Variants in RDH13 observed in about 807,000 individuals in gnomAD.
RDH13 encodes retinol dehydrogenase 13 (all-trans and 9-cis).
A neutral mutation model predicts 28.3 loss-of-function variants in RDH13; 35 were observed. The ratio of observed to expected loss-of-function variants is 1.24; its 90% CI spans 0.95 to 1.64. The LOEUF is 1.64. RDH13 is among the 40% of genes most tolerant of loss of function. The pLI is 0.00. For missense variants in RDH13, 514 were observed against 446.3 expected (o/e 1.15, Z -1.37); for synonymous variants, 229 against 198.5 (o/e 1.15, Z -1.29).
intron 6 of RDH13, among the ~76,000 whole-genome samples, 169 bp from the exon 7 acceptor site, chr19:55,045,478 C>G (rs991541134): frequency 1.3e-5 from 2 of 152,152 alleles, no homozygotes; most frequent in Non-Finnish European, 2.9e-5. Context: ...ACTGCCCAGG[C>G]AAATCCCACC....
upstream of RDH13, chr19:55,063,867 T>TCCATGTTTGTCAC (rs1157595193): frequency 6.5e-6 from 1 of 152,976 alleles, no homozygotes; most frequent in Non-Finnish European, 1.5e-5. Flanking sequence ...CACTTACCTG[T>TCCATGTTTGTCAC]CCATGTTTGT....
chr19:55,064,424 A>G (rs1602838675), upstream of RDH13: 1 of 151,888 alleles, frequency 6.6e-6, no homozygotes, highest in Non-Finnish European at 1.5e-5. Flanking sequence ...TGTCAAAAAA[A>G]AAAAAACCTT....
chr19:55,056,204 C>T (rs148588179), intron 3 of RDH13, among the ~76,000 whole-genome samples: 91 of 152,222 alleles, frequency 6.0e-4, no homozygotes, highest in Middle Eastern at 6.8e-3. Context: ...TGGCCCACGC[C>T]TGTAATCCCA....
In RDH13 at chr19:55,063,058, G is replaced by A; in HGVS notation, c.-26C>T. ...GCCGGGCCGGGGACAGGCGTCAGGC[G>A]TCAGGGGTCGGCGCGGAGCTTGCTG... On this transcript the variant is annotated 5_prime_UTR_variant, in exon 1 of 7. In the 5' UTR this introduces an upstream ATG that the reference lacks. Coordinates refer to ENST00000415061, the MANE Select transcript of RDH13 (RefSeq NM_001145971.2). 1 of 1,318,298 alleles carries A rather than the reference G, an allele frequency of 7.6e-7. No homozygotes were observed. Among genetic ancestry groups the A allele is most frequent in the South Asian group, 1.8e-5 (1 of 55,998 alleles). 81.7% of individuals were successfully genotyped at this position (1,318,298 alleles called of 1,614,324 possible).
chr19:55,061,109 CTCCTT>C (rs1359735887), intron 1 of RDH13, among the ~76,000 whole-genome samples: 1 of 151,900 alleles, frequency 6.6e-6, no homozygotes, highest in African/African-American at 2.4e-5. Flanking sequence ...ACTGGAACCT[CTCCTT>C]TATTTATTTA....
rs1171118173 is a variant in RDH13, at chr19:55,063,137, G to C, written c.-105C>G. 51 of 1,106,506 alleles carry C rather than the reference G, an allele frequency of 4.6e-5. No homozygotes were observed. The highest frequency in any genetic ancestry group is 1.3e-4 in the Admixed American group (3 of 23,406). The allele number at this position is 1,106,506 out of a possible 1,614,324, so 68.5% of individuals were successfully genotyped here. A position where few individuals can be genotyped will look rare whatever the true frequency, so the allele number is the denominator to read the frequency against. On this transcript the variant is annotated 5_prime_UTR_variant, in exon 1 of 7. Transcript: ENST00000415061. ...AAGAGCGCGCGACGCAGCCACAGGCGAGCGGAGGCGCAGGCGCGGCTGGGC... is the reference window on the plus strand; with the variant it reads ...AAGAGCGCGCGACGCAGCCACAGGCCAGCGGAGGCGCAGGCGCGGCTGGGC...
chr19:55,045,516 T>A (rs564944143), intron 6 of RDH13, among the ~76,000 whole-genome samples: 3 of 151,976 alleles, frequency 2.0e-5, no homozygotes, highest in Non-Finnish European at 4.4e-5. Context: ...AAAAGCTGCC[T>A]CCCCCAAGGA....
intron 5 of RDH13, 107 bp downstream of exon 5, chr19:55,048,222 C>T (rs1301214499): frequency 1.3e-6 from 2 of 1,558,142 alleles, no homozygotes; most frequent in Non-Finnish European, 1.7e-6. Context: ...CTTTTGCTGA[C>T]TCTGTTCTGG....
At chr19:55,063,989 A>G (rs2075891650), upstream of RDH13, 1 of 152,226 alleles carries the variant, frequency 6.6e-6, no homozygotes. Flanking sequence ...AGGTGCCAGG[A>G]GCAGACACCG....
intron 3 of RDH13, among the ~76,000 whole-genome samples, chr19:55,051,578 C>T (rs979172539): frequency 1.3e-5 from 2 of 150,516 alleles, no homozygotes; most frequent in Admixed American, 6.7e-5. Flanking sequence ...TACAGGTGCC[C>T]GCCACCGCAC....
rs1007984961 is a variant in RDH13, at chr19:55,047,424, CGT to C, written c.721_722del (p.Thr241GlyfsTer60). On this transcript the variant is annotated frameshift_variant, in exon 6 of 7. Coordinates refer to ENST00000415061, the MANE Select transcript of RDH13 (RefSeq NM_001145971.2). LOFTEE classifies it high-confidence loss of function. ...TGGAGAAGGTGGAGCCATGGATGCCCGTGTGTCTGCCCAGCTCTGTCCTGGCC... is the reference window on the plus strand; with the variant it reads ...TGGAGAAGGTGGAGCCATGGATGCCCGTGTCTGCCCAGCTCTGTCCTGGCC... The part of the protein sequence containing the change: ...GVARTELGRH[T>X]GIHGSTFSST... The C allele has an allele frequency of 5.0e-6, 8 of 1,611,538 alleles. No homozygotes were observed. The highest frequency in any genetic ancestry group is 1.3e-5 in the African/African-American group (1 of 74,912).
chr19:55,056,831 G>T (rs970477048), intron 2 of RDH13, 23 bp from the exon 3 acceptor site: 6 of 1,599,074 alleles, frequency 3.8e-6, no homozygotes, highest in African/African-American at 2.7e-5. Flanking sequence ...GATGGAAAAA[G>T]ATTTAAATTA....
Position 55,050,153 on chromosome 19 carries a change from G to A in RDH13, c.341-1390C>T, listed in dbSNP as rs150922085. Among the ~76,000 whole-genome samples, 862 of 147,372 alleles carry A rather than the reference G, an allele frequency of 5.8e-3. 8 individuals are homozygous for A. Among genetic ancestry groups the A allele is most frequent in the African/African-American group, 0.019 (771 of 39,868 alleles). On this transcript the variant is annotated intron_variant, in intron 3 of 6. Transcript: ENST00000415061. ...GGGGGGGAGATGGAGTTTCACTCTT[G>A]TCACCCAGGCTGGAGTGCAATGGTG...
chr19:55,055,353 A>C (rs368970380), intron 3 of RDH13, among the ~76,000 whole-genome samples: 1 of 151,866 alleles, frequency 6.6e-6, no homozygotes, highest in South Asian at 2.1e-4. Context: ...GGGTTTCACC[A>C]TGTTGGCCAG....
rs1033024978 is a variant in RDH13, at chr19:55,055,675, AAAAAC to A, written c.340+973_340+977del. On this transcript the variant is annotated intron_variant, in intron 3 of 6. Transcript: ENST00000415061. ...AGCAACATGGTGAAACCCCAGCTCTAAAAACAAAACAAAACAATAAAACAATAATT... is the reference window on the plus strand; with the variant it reads ...AGCAACATGGTGAAACCCCAGCTCTAAAAACAAAACAATAAAACAATAATT... Among the ~76,000 whole-genome samples the A allele has an allele frequency of 1.4e-4, 21 of 151,148 alleles. No homozygotes were observed. In the South Asian group the frequency reaches 2.7e-3, roughly 20 times the overall value.
chr19:55,046,980 AC>A (rs960977470), intron 6 of RDH13: 19 of 286,506 alleles, frequency 6.6e-5, no homozygotes, highest in East Asian at 1.0e-4. Context: ...GTCTCGTATA[AC>A]CCCCCCAGTG....
chr19:55,062,425 G>A (rs530805808), intron 1 of RDH13, among the ~76,000 whole-genome samples: 55 of 152,312 alleles, frequency 3.6e-4, no homozygotes, highest in African/African-American at 1.3e-3. Flanking sequence ...GCTCACGTCT[G>A]TAATCCCAGC....
downstream of RDH13, chr19:55,041,717 C>A (rs1471880942): frequency 6.6e-6 from 1 of 152,228 alleles, no homozygotes; most frequent in South Asian, 2.1e-4. Flanking sequence ...GTGACGACTC[C>A]GCGGCAGGCA....
downstream of RDH13, among the ~76,000 whole-genome samples, chr19:55,039,937 CAG>C (rs2074978924): frequency 6.6e-6 from 1 of 152,196 alleles, no homozygotes; most frequent in Non-Finnish European, 1.5e-5. Context: ...CCGGACTTGA[CAG>C]ATAAATACTG....
Sources: allele counts gnomAD v4.1 joint callset (sites outside exome capture counted in the v4.1 genomes callset), GRCh38; gene constraint gnomAD v4.1.1; transcripts MANE v1.5; gene names NCBI Gene and HGNC (gene_info 2026-07-23, HGNC 2026-07-21).